CCNL1: variants seen among roughly 807,000 people sequenced by gnomAD.
CCNL1 encodes cyclin-L1.
In CCNL1, 13 loss-of-function variants were observed where a neutral mutation model predicts 60.6. The observed-to-expected ratio is 0.21, with a 90% confidence interval of 0.14 to 0.34. CCNL1 has a LOEUF of 0.34. Among genes scored for constraint, CCNL1 ranks in the 10% least tolerant of loss-of-function variants. CCNL1 has a pLI of 1.00. For synonymous variants in CCNL1, 270 were observed against 244.3 expected, an observed-to-expected ratio of 1.10 and a Z score of -0.98; for missense variants, 481 against 664.3, an observed-to-expected ratio of 0.72 and a Z score of 3.03.
intron 8 of CCNL1, 70 bp from the exon 9 acceptor site, chr3:157,149,666 G>A (rs1738020941): frequency 6.7e-7 from 1 of 1,489,948 alleles, no homozygotes; most frequent in Non-Finnish European, 9.2e-7. Flanking sequence ...GTTTCTAAAT[G>A]TAACTCAAAG....
At chr3:157,148,668 C>A in intron 10 of CCNL1, 79 bp from the exon 11 acceptor site, 1 of 1,236,182 alleles carries the variant, frequency 8.1e-7, no homozygotes, top group East Asian at 2.4e-5. Context: ...ATAACAGGTT[C>A]AAAACAAAAC....
intron 5 of CCNL1, chr3:157,151,421 T>C (rs1226338419): frequency 1.0e-6 from 1 of 985,684 alleles, no homozygotes; most frequent in Non-Finnish European, 1.2e-6. Flanking sequence ...TGCTAAAGCA[T>C]TTAAGCAATA....
intron 3 of CCNL1, among the ~76,000 whole-genome samples, chr3:157,158,454 CAT>C (rs1251166003): frequency 1.3e-5 from 2 of 152,184 alleles, no homozygotes; most frequent in Non-Finnish European, 2.9e-5. Context: ...AGTAGAAAAA[CAT>C]AATCTACACA....
chr3:157,150,784 A>C, intron 5 of CCNL1: 1 of 992,220 alleles, frequency 1.0e-6, no homozygotes. Context: ...CCACAATAAA[A>C]GCAGTGTCAA....
chr3:157,159,744 G>C, intron 1 of CCNL1, 48 bp downstream of exon 1: 1 of 1,433,638 alleles, frequency 7.0e-7, no homozygotes. Flanking sequence ...CGTAGGGGAC[G>C]GAGGAGAGGA....
At chr3:157,149,023 C>A in intron 10 of CCNL1, 2 of 376,388 alleles carry the variant, frequency 5.3e-6, no homozygotes, top group Non-Finnish European at 9.5e-6. Context: ...GAAGTTTTCA[C>A]ATTATGAACA....
downstream of CCNL1, among the ~76,000 whole-genome samples, chr3:157,145,860 A>G (rs1737770700): frequency 6.6e-6 from 1 of 152,236 alleles, no homozygotes; most frequent in Non-Finnish European, 1.5e-5. Context: ...TCTTCAGGAC[A>G]TGACCCAATT....
intron 3 of CCNL1, among the ~76,000 whole-genome samples, chr3:157,156,022 TAG>T (rs1406548002): frequency 6.6e-6 from 1 of 152,310 alleles, no homozygotes; most frequent in East Asian, 1.9e-4. Flanking sequence ...TATGGTTTGT[TAG>T]AGGAGCTATT....
chr3:157,155,483 T>G (rs1451889655), intron 3 of CCNL1, among the ~76,000 whole-genome samples: 2 of 152,186 alleles, frequency 1.3e-5, no homozygotes, highest in East Asian at 3.8e-4. Context: ...TTTACTATAA[T>G]TCAATATATA....
intron 3 of CCNL1, among the ~76,000 whole-genome samples, chr3:157,155,836 TC>T (rs1308015647): frequency 6.6e-6 from 1 of 152,194 alleles, no homozygotes; most frequent in Non-Finnish European, 1.5e-5. Context: ...TTTGAAAATC[TC>T]TTTAAAAAAG....
rs1421846300 is a variant in CCNL1, at chr3:157,147,716, T to C, written c.*525A>G. On this transcript the variant is annotated 3_prime_UTR_variant, in exon 11 of 11. Coordinates refer to ENST00000295926, the MANE Select transcript of CCNL1 (RefSeq NM_020307.4). The stretch of plus-strand genomic sequence containing the variant: ...CCATCTAATGGAGGAAAGAATAAGT[T>C]TGTCAGAAAACCAGTACAGCCATTT... 14 of 985,142 alleles carry C rather than the reference T, an allele frequency of 1.4e-5. No individual in the cohort carries two copies. The highest frequency in any genetic ancestry group is 1.7e-5 in the African/African-American group (1 of 57,238). The allele number at this position is 985,142 out of a possible 1,614,324, so 61.0% of individuals were successfully genotyped here.
Position 157,148,181 on chromosome 3 carries a change from A to G in CCNL1, c.*60T>C. 1.3e-6 allele frequency: 2 copies of G among 1,555,908 alleles called. No homozygotes were observed. Among genetic ancestry groups the G allele is most frequent in the Non-Finnish European group, 1.7e-6 (2 of 1,154,002 alleles). ...GCGTTTAATGTTTTTGATTGAGTCC[A>G]TACATCACACTGTAGATAGGCAAAA... On this transcript the variant is annotated 3_prime_UTR_variant, in exon 11 of 11. Transcript: ENST00000295926.
intron 3 of CCNL1, among the ~76,000 whole-genome samples, chr3:157,158,248 T>A (rs986833566): frequency 3.3e-5 from 5 of 152,248 alleles, no homozygotes. Flanking sequence ...TCTTACTTGT[T>A]AATTTTCTAA....
intron 5 of CCNL1, chr3:157,151,178 A>G (rs1375894388): frequency 1.0e-6 from 1 of 984,652 alleles, no homozygotes; most frequent in Non-Finnish European, 1.2e-6. Flanking sequence ...TGCATTTTAT[A>G]AAAATAATGA....
At position 157,147,758 on chromosome 3, in the gene CCNL1, CT is replaced by C. The variant is rs571353608; in HGVS notation, c.*482del. 7.1e-6 allele frequency: 7 copies of C among 981,364 alleles called. No individual in the cohort carries two copies. The African/African-American group carries it at 1.2e-4, about 17-fold the overall frequency. 60.8% of individuals were successfully genotyped at this position (981,364 alleles called of 1,614,324 possible). ...CAGCCATTTTGCTATTAAAATTTTC[CT>C]TTTTAATAATTTATTTAAATAAGGT... is the stretch of plus-strand genomic sequence containing the variant. On this transcript the variant is annotated 3_prime_UTR_variant, in exon 11 of 11. Coordinates refer to ENST00000295926, the MANE Select transcript of CCNL1 (RefSeq NM_020307.4).
At chr3:157,149,732 T>C in intron 8 of CCNL1, 104 bp downstream of exon 8, 1 of 1,484,334 alleles carries the variant, frequency 6.7e-7, no homozygotes, top group Middle Eastern at 2.1e-4. Context: ...TAGCAGCAGT[T>C]TCCTAACATC....
intron 4 of CCNL1, 71 bp downstream of exon 4, chr3:157,152,965 A>G: frequency 1.3e-6 from 2 of 1,578,044 alleles, no homozygotes; most frequent in Non-Finnish European, 1.7e-6. Flanking sequence ...AGAAACATAA[A>G]TTCATATAAA....
chr3:157,145,969 T>C (rs536111894), downstream of CCNL1, among the ~76,000 whole-genome samples: 3 of 152,332 alleles, frequency 2.0e-5, no homozygotes, highest in South Asian at 6.2e-4. Flanking sequence ...ATGAGGGCTC[T>C]CTGGATACTG....
chr3:157,158,613 G>A (rs771767900), intron 3 of CCNL1: 6 of 293,234 alleles, frequency 2.0e-5, no homozygotes, highest in Non-Finnish European at 3.9e-5. Flanking sequence ...TAAGCCACAG[G>A]CCTGGCTTCA....
Sources: allele counts gnomAD v4.1 joint callset (sites outside exome capture counted in the v4.1 genomes callset), GRCh38; gene constraint gnomAD v4.1.1; transcripts MANE v1.5; gene names NCBI Gene and HGNC (gene_info 2026-07-23, HGNC 2026-07-21).